The following TBC1D22A variants were observed in gnomAD, a reference collection of about 807,000 sequenced individuals.
TBC1D22A encodes putative GTPase activator.
A neutral mutation model predicts 60.2 loss-of-function variants in TBC1D22A; 38 were observed. The ratio of observed to expected loss-of-function variants is 0.63; its 90% CI spans 0.49 to 0.83. The LOEUF is 0.83. Ranked by LOEUF, TBC1D22A falls within the 40% of genes least tolerant of loss-of-function variation. The pLI, the probability that TBC1D22A is intolerant of heterozygous loss-of-function variation, is 0.00. For synonymous variants in TBC1D22A, 302 were observed against 281.7 expected, an observed-to-expected ratio of 1.07 and a Z score of -0.72; for missense variants, 628 against 701.0, an observed-to-expected ratio of 0.90 and a Z score of 1.18.
chr22:46,771,953 T>C (rs1045921933), intron 1 of TBC1D22A, among the ~76,000 whole-genome samples: 9 of 152,012 alleles, frequency 5.9e-5, no homozygotes, highest in Non-Finnish European at 7.4e-5. Context: ...CCTGAGTTAC[T>C]TTACCCAGAA....
rs1302276172 is a variant in TBC1D22A at position 46,795,596 on chromosome 22, C to T, written c.460+1755C>T. ...CCCACTTGCCTGCCTTGGAGTTGGC[C>T]ACCTTTCCTGTGTTTGCTTTCTGGG... On this transcript the variant is annotated intron_variant, in intron 3 of 12. Coordinates refer to ENST00000337137, the MANE Select transcript of TBC1D22A (RefSeq NM_014346.5). 2.0e-5 allele frequency among the ~76,000 whole-genome samples: 3 copies of T among 152,220 alleles called. No individual in the cohort carries two copies. In the East Asian group the frequency reaches 5.8e-4, roughly 29 times the overall value.
At chr22:47,164,524 C>T (rs2147215511) in intron 12 of TBC1D22A, among the ~76,000 whole-genome samples, 2 of 152,326 alleles carry the variant, frequency 1.3e-5, no homozygotes, top group African/African-American at 4.8e-5. Context: ...GTGTCGAGTG[C>T]TGGGTCTCCC....
intron 5 of TBC1D22A, among the ~76,000 whole-genome samples, chr22:46,880,789 G>A (rs1470536331): frequency 1.3e-5 from 2 of 152,086 alleles, no homozygotes; most frequent in Non-Finnish European, 2.9e-5. Flanking sequence ...AGGAGGGGAG[G>A]GTGTGGAGAC....
chr22:47,085,599 A>T (rs1017912863), intron 11 of TBC1D22A, among the ~76,000 whole-genome samples: 1 of 152,208 alleles, frequency 6.6e-6, no homozygotes, highest in East Asian at 1.9e-4. Context: ...ACTAAGGAAA[A>T]TTGCATTAAG....
Position 46,874,793 on chromosome 22 carries a change from C to T in TBC1D22A, c.638-3860C>T, listed in dbSNP as rs775902884. On this transcript the variant is annotated intron_variant, in intron 4 of 12. Transcript: ENST00000337137. Reference sequence around the variant, plus strand: ...TTCACCATGTTGCCCAGGCTGGTCTCGAATTCCTCACCTCAAATGATCTGC... The same window carrying T: ...TTCACCATGTTGCCCAGGCTGGTCTTGAATTCCTCACCTCAAATGATCTGC... Among the ~76,000 whole-genome samples the T allele has an allele frequency of 9.2e-5, 14 of 152,034 alleles. 1 individual carries two copies. In the Middle Eastern group the frequency reaches 0.014, roughly 148 times the overall value.
intron 8 of TBC1D22A, chr22:46,914,808 G>A (rs2070234579): frequency 6.4e-6 from 1 of 155,610 alleles, no homozygotes; most frequent in Non-Finnish European, 1.4e-5. Context: ...CTTGGAGTTT[G>A]TGGTTGTAGC....
At chr22:47,160,469 C>G (rs1659104982) in intron 12 of TBC1D22A, among the ~76,000 whole-genome samples, 1 of 152,206 alleles carries the variant, frequency 6.6e-6, no homozygotes, top group Non-Finnish European at 1.5e-5. Flanking sequence ...GTAGCTGACG[C>G]AGCTGCAGCC....
chr22:46,934,126 A>G (rs1435788209), intron 8 of TBC1D22A, among the ~76,000 whole-genome samples: 2 of 152,252 alleles, frequency 1.3e-5, no homozygotes, highest in Admixed American at 6.5e-5. Context: ...GTGAGTTTGC[A>G]GACTTTTTAT....
chr22:46,896,433 A>G (rs1463577251), intron 7 of TBC1D22A, among the ~76,000 whole-genome samples: 1 of 152,030 alleles, frequency 6.6e-6, no homozygotes, highest in African/African-American at 2.4e-5. Context: ...TTTTCTACAC[A>G]TGAAGGTGTT....
At chr22:46,863,317 A>G (rs2066902916) in intron 4 of TBC1D22A, among the ~76,000 whole-genome samples, 1 of 152,218 alleles carries the variant, frequency 6.6e-6, no homozygotes, top group Admixed American at 6.5e-5. Flanking sequence ...CTTGCCTCGG[A>G]GGAAAGCGGG....
intron 8 of TBC1D22A, among the ~76,000 whole-genome samples, chr22:46,941,242 A>C (rs2072031175): frequency 2.1e-5 from 2 of 94,774 alleles, no homozygotes; most frequent in Non-Finnish European, 4.6e-5. Flanking sequence ...CACACAGTCC[A>C]CCCTTGAACA....
intron 11 of TBC1D22A, among the ~76,000 whole-genome samples, chr22:47,083,397 A>G (rs1202089684): frequency 6.6e-6 from 1 of 152,052 alleles, no homozygotes; most frequent in Non-Finnish European, 1.5e-5. Context: ...CAAAACATGA[A>G]CCCAAAGTAA....
intron 8 of TBC1D22A, among the ~76,000 whole-genome samples, chr22:46,957,471 A>G (rs754096818): frequency 6.6e-6 from 1 of 152,248 alleles, no homozygotes; most frequent in South Asian, 2.1e-4. Context: ...GAAATGTCGG[A>G]TGCTTATAAG....
chr22:46,912,021 A>G (rs752521473), intron 7 of TBC1D22A, 53 bp from the exon 8 acceptor site: 18 of 1,227,666 alleles, frequency 1.5e-5, no homozygotes, highest in African/African-American at 3.0e-5. Flanking sequence ...TTTCATTTTA[A>G]AGTTTCTGCC....
intron 7 of TBC1D22A, 47 bp from the exon 8 acceptor site, chr22:46,912,027 C>G (rs752556285): frequency 1.1e-5 from 15 of 1,309,054 alleles, no homozygotes; most frequent in African/African-American, 1.5e-5. Context: ...TTTAAAGTTT[C>G]TGCCATGTTT....
At chr22:46,947,454 G>A (rs1392336518) in intron 8 of TBC1D22A, among the ~76,000 whole-genome samples, 3 of 152,152 alleles carry the variant, frequency 2.0e-5, no homozygotes, top group East Asian at 3.9e-4. Context: ...GTCCTCCACC[G>A]TCATCTAACA....
At chr22:46,938,166 T>C (rs558840008) in intron 8 of TBC1D22A, among the ~76,000 whole-genome samples, 63 of 152,340 alleles carry the variant, frequency 4.1e-4, no homozygotes, top group Admixed American at 1.2e-3. Context: ...CTTCCAGTCC[T>C]GCACGCCCCA....
intron 12 of TBC1D22A, among the ~76,000 whole-genome samples, chr22:47,124,719 G>T (rs570103055): frequency 3.2e-4 from 49 of 152,292 alleles, no homozygotes; most frequent in African/African-American, 1.1e-3. Flanking sequence ...CAGACGGGGG[G>T]CTTCTATCCT....
intron 8 of TBC1D22A, among the ~76,000 whole-genome samples, chr22:46,940,239 G>T (rs1045544856): frequency 1.3e-5 from 2 of 152,144 alleles, no homozygotes; most frequent in Non-Finnish European, 1.5e-5. Context: ...GGCACTGATG[G>T]ACTTGCTCGA....
Sources: gnomAD v4.1 joint callset for allele counts (sites outside exome capture counted in the v4.1 genomes callset) on GRCh38, gnomAD v4.1.1 for gene constraint, MANE v1.5 for transcripts, NCBI Gene and HGNC (gene_info 2026-07-23, HGNC 2026-07-21) for gene names.